NDST3: variants seen among roughly 807,000 people sequenced by gnomAD.
NDST3 encodes the protein bifunctional heparan sulfate N-deacetylase/N-sulfotransferase 3.
A neutral mutation model predicts 96.1 loss-of-function variants in NDST3; 58 were observed. That is an observed-to-expected ratio of 0.60 (90% confidence interval 0.49 to 0.75). The LOEUF is 0.75. NDST3 is among the 30% of genes least tolerant of loss of function. NDST3 has a pLI of 0.00. For missense variants in NDST3, 788 were observed against 1,034.2 expected (o/e 0.76, Z 3.27); for synonymous variants, 333 against 359.7 (o/e 0.93, Z 0.84).
intron 1 of NDST3, among the ~76,000 whole-genome samples, chr4:118,042,307 T>C (rs1724518279): frequency 6.6e-6 from 1 of 152,092 alleles, no homozygotes; most frequent in Admixed American, 6.6e-5. Context: ...TTCTTCTTTC[T>C]TCCCAAATAT....
At chr4:118,063,795 C>G (rs562460601) in intron 2 of NDST3, among the ~76,000 whole-genome samples, 3 of 152,258 alleles carry the variant, frequency 2.0e-5, no homozygotes, top group South Asian at 2.1e-4. Context: ...CAAGATCTTA[C>G]AACTAGTAAG....
At chr4:118,086,435 C>T (rs1480930433) in intron 2 of NDST3, among the ~76,000 whole-genome samples, 2 of 152,066 alleles carry the variant, frequency 1.3e-5, no homozygotes, top group Non-Finnish European at 2.9e-5. Context: ...GTACCCCTAA[C>T]ATCTTAAAAC....
intron 6 of NDST3, among the ~76,000 whole-genome samples, chr4:118,151,110 C>T (rs1734362117): frequency 2.0e-5 from 3 of 152,100 alleles, no homozygotes; most frequent in Admixed American, 6.5e-5. Context: ...AATTGGAAAT[C>T]ATCATTCTCA....
At chr4:118,113,131 TAA>T (rs1032831290) in intron 3 of NDST3, among the ~76,000 whole-genome samples, 1 of 152,008 alleles carries the variant, frequency 6.6e-6, no homozygotes, top group African/African-American at 2.4e-5. Context: ...CCCCCAAAAA[TAA>T]AATAGGTACT....
intron 6 of NDST3, among the ~76,000 whole-genome samples, chr4:118,157,869 ATAAT>A (rs891600846): frequency 3.3e-5 from 5 of 152,236 alleles, no homozygotes; most frequent in African/African-American, 4.8e-5. Flanking sequence ...ATTACACAAA[ATAAT>A]TAATTAAAAT....
rs375930859 is a variant in NDST3, at chr4:118,218,814, C to T, written c.1540-5677C>T. ...AACCCCATCGTCTCAGCTCCAAACT[C>T]GTTAAGCTGATAAGTAACTTCAGCA... On this transcript the variant is annotated intron_variant, in intron 6 of 13. Transcript: ENST00000296499. Among the ~76,000 whole-genome samples, 11 of 152,122 alleles carry T rather than the reference C, an allele frequency of 7.2e-5. No homozygotes were observed. The East Asian group carries it at 7.7e-4, about 11-fold the overall frequency.
intron 6 of NDST3, among the ~76,000 whole-genome samples, chr4:118,217,462 A>G (rs1234496619): frequency 2.0e-5 from 3 of 151,996 alleles, no homozygotes; most frequent in Non-Finnish European, 4.4e-5. Flanking sequence ...TTTTATACTT[A>G]TTTTTCAGAA....
At chr4:118,067,779 A>T (rs907946706) in intron 2 of NDST3, among the ~76,000 whole-genome samples, 1 of 152,026 alleles carries the variant, frequency 6.6e-6, no homozygotes, top group Non-Finnish European at 1.5e-5. Flanking sequence ...TGGGAGGAAG[A>T]GCATCAGGAC....
At chr4:118,111,635 A>T (rs546534366) in intron 3 of NDST3, among the ~76,000 whole-genome samples, 2 of 150,662 alleles carry the variant, frequency 1.3e-5, no homozygotes, top group East Asian at 3.9e-4. Flanking sequence ...CTCCCGGGTT[A>T]ACGCCATTCT....
At chr4:118,071,933 T>G (rs956792056) in intron 2 of NDST3, among the ~76,000 whole-genome samples, 1 of 152,142 alleles carries the variant, frequency 6.6e-6, no homozygotes, top group African/African-American at 2.4e-5. Context: ...TTTTTAAGAA[T>G]AGCCATTCTG....
rs191382264 is a variant in NDST3 at position 118,066,383 on chromosome 4, C to T, written c.981+11492C>T. Among the ~76,000 whole-genome samples, 3 of 542 alleles carry T rather than the reference C, an allele frequency of 5.5e-3. 1 individual carries two copies. In the Non-Finnish European group the frequency reaches 0.11, roughly 19 times the overall value. 0.4% of individuals were successfully genotyped at this position (542 alleles called of 152,430 possible). ...ATGTTATATATTATATATCATATAT[C>T]ATATGTTATATATTATATATCATAT... On this transcript the variant is annotated intron_variant, in intron 2 of 13. Coordinates refer to ENST00000296499, the MANE Select transcript of NDST3 (RefSeq NM_004784.3).
At chr4:118,147,035 A>C (rs1733999638) in intron 6 of NDST3, among the ~76,000 whole-genome samples, 1 of 152,242 alleles carries the variant, frequency 6.6e-6, no homozygotes. Context: ...ATTTTAATTG[A>C]TCAATACTTC....
At chr4:118,132,606 T>C (rs1180800164) in intron 4 of NDST3, among the ~76,000 whole-genome samples, 1 of 152,072 alleles carries the variant, frequency 6.6e-6, no homozygotes, top group Non-Finnish European at 1.5e-5. Context: ...TCCCCTTTAC[T>C]TTTCCCTATG....
At chr4:118,238,150 GAA>G (rs1560738462) in intron 10 of NDST3, among the ~76,000 whole-genome samples, 1,210 of 55,564 alleles carry the variant, frequency 0.022, 41 homozygotes, top group Middle Eastern at 0.042. Flanking sequence ...AGAGAGAAAA[GAA>G]AGAAAAGAAA....
intron 1 of NDST3, among the ~76,000 whole-genome samples, chr4:118,051,589 C>G (rs1042946680): frequency 2.6e-5 from 4 of 151,852 alleles, no homozygotes; most frequent in African/African-American, 9.7e-5. Context: ...TAAAAACAGG[C>G]AAAGGACATG....
chr4:118,077,202 G>C (rs1196916788), intron 2 of NDST3, among the ~76,000 whole-genome samples: 1 of 152,076 alleles, frequency 6.6e-6, no homozygotes, highest in Non-Finnish European at 1.5e-5. Context: ...ACACTCTGAT[G>C]GGGGGGTGCC....
At position 118,224,626 on chromosome 4, in the gene NDST3, C is replaced by A. The variant is rs1560729111; in HGVS notation, c.1675C>A (p.His559Asn). The A allele has an allele frequency of 3.1e-6, 5 of 1,610,632 alleles. No individual in the cohort carries two copies. The highest frequency in any genetic ancestry group is 1.3e-5 in the African/African-American group (1 of 74,942). Residue 559 changes from histidine to asparagine, a missense_variant, in exon 7 of 14, where the codon CAC becomes AAC. Physicochemically the swap from His to Asn is moderately conservative, Grantham distance 68 (BLOSUM62 1). Around this residue, in one of 3 missense-constraint regions of NDST3, gnomAD observed 490 missense variants for 708.8 expected, o/e 0.69. Transcript: ENST00000296499. ...LQTLPPVQLAHKYFELFPDQK... is the reference protein window; with the variant it reads ...LQTLPPVQLANKYFELFPDQK... ...GACTCTGCCTCCAGTACAACTGGCC[C>A]ACAAGTATTTTGAGCTGTTTCCTGA...
chr4:118,080,861 CATTTT>C (rs1167279110), intron 2 of NDST3, among the ~76,000 whole-genome samples: 1 of 152,132 alleles, frequency 6.6e-6, no homozygotes, highest in Non-Finnish European at 1.5e-5. Context: ...AAACTGAACT[CATTTT>C]ATTAGGGAGA....
chr4:118,134,925 CT>C (rs1300367524), intron 4 of NDST3, among the ~76,000 whole-genome samples: 2 of 152,148 alleles, frequency 1.3e-5, no homozygotes, highest in African/African-American at 4.8e-5. Context: ...TTAAGGTAGA[CT>C]TTTTGCCACA....
Sources: allele counts gnomAD v4.1 joint callset (sites outside exome capture counted in the v4.1 genomes callset), GRCh38; gene constraint gnomAD v4.1.1; regional missense constraint gnomAD v4.1.1; transcripts MANE v1.5; gene names NCBI Gene and HGNC (gene_info 2026-07-23, HGNC 2026-07-21).